Variants in NRXN3 observed in about 807,000 individuals in gnomAD.
NRXN3 encodes the protein neurexin III.
In NRXN3, 32 loss-of-function variants were observed where a neutral mutation model predicts 137.6. The ratio of observed to expected loss-of-function variants is 0.23; its 90% CI spans 0.18 to 0.31. The LOEUF is 0.31. Ranked by LOEUF, NRXN3 falls within the 10% of genes least tolerant of loss-of-function variation. The pLI is 1.00. For synonymous variants in NRXN3, 798 were observed against 784.5 expected, an observed-to-expected ratio of 1.02 and a Z score of -0.29; for missense variants, 1,574 against 2,062.5, an observed-to-expected ratio of 0.76 and a Z score of 4.59.
chr14:78,806,062 T>TTTC (rs1555504287), intron 9 of NRXN3, among the ~76,000 whole-genome samples: 8 of 138,008 alleles, frequency 5.8e-5, no homozygotes, highest in South Asian at 2.3e-4. Context: ...TTTTTTTTTT[T>TTTC]CCCCTTTGGC....
At chr14:78,539,098 G>A (rs986878704) in intron 4 of NRXN3, among the ~76,000 whole-genome samples, 2 of 152,178 alleles carry the variant, frequency 1.3e-5, no homozygotes, top group Non-Finnish European at 2.9e-5. Flanking sequence ...GTCTCTGCCA[G>A]GCTTTGGTAT....
At chr14:79,014,221 T>C (rs1196264286) in intron 15 of NRXN3, among the ~76,000 whole-genome samples, 1 of 152,198 alleles carries the variant, frequency 6.6e-6, no homozygotes. Flanking sequence ...ATAATAAACA[T>C]AGTACCCAAT....
At chr14:78,984,509 A>G (rs184534465) in intron 14 of NRXN3, among the ~76,000 whole-genome samples, 31 of 152,324 alleles carry the variant, frequency 2.0e-4, no homozygotes, top group Admixed American at 1.0e-3. Flanking sequence ...TCAAAGAATA[A>G]AAATGAAACA....
At chr14:79,293,999 G>C (rs1041889680) in intron 15 of NRXN3, among the ~76,000 whole-genome samples, 7 of 152,202 alleles carry the variant, frequency 4.6e-5, no homozygotes, top group Admixed American at 3.3e-4. Context: ...AATGAGAGGA[G>C]AGTTTTAAGG....
chr14:78,564,560 C>T (rs1335601847), intron 4 of NRXN3, among the ~76,000 whole-genome samples: 2 of 152,220 alleles, frequency 1.3e-5, no homozygotes, highest in South Asian at 2.1e-4. Flanking sequence ...TGGAACACCC[C>T]GGCCTCCTCT....
rs559943400 is a variant in NRXN3 at position 79,763,241 on chromosome 14, GT to G, written c.4015-41870del. On this transcript the variant is annotated intron_variant, in intron 19 of 20. Transcript: ENST00000335750. The stretch of plus-strand genomic sequence containing the variant: ...TTGCATAGTATTCCATGGTGTATAC[GT>G]GCCACATTTTCTTTATCCAGTCTAT... Among the ~76,000 whole-genome samples, 329 of 151,626 alleles carry G rather than the reference GT, an allele frequency of 2.2e-3. 10 individuals are homozygous for G. Among genetic ancestry groups the G allele is most frequent in the African/African-American group, 7.8e-3 (321 of 40,952 alleles).
intron 19 of NRXN3, among the ~76,000 whole-genome samples, chr14:79,772,489 T>A (rs1330084410): frequency 6.6e-6 from 1 of 152,168 alleles, no homozygotes; most frequent in African/African-American, 2.4e-5. Flanking sequence ...TACAACTACC[T>A]GATCTTTGAC....
chr14:78,575,335 G>A (rs1023870174), intron 4 of NRXN3, among the ~76,000 whole-genome samples: 1 of 152,190 alleles, frequency 6.6e-6, no homozygotes, highest in Admixed American at 6.5e-5. Flanking sequence ...GAGTGTAGTT[G>A]CAGGTTTTCA....
chr14:78,493,241 G>A (rs559160431), intron 4 of NRXN3, among the ~76,000 whole-genome samples: 1 of 151,234 alleles, frequency 6.6e-6, no homozygotes, highest in African/African-American at 2.4e-5. Flanking sequence ...GCCAGGAGGG[G>A]TCAGGCATTG....
At chr14:79,270,685 C>G (rs937155899) in intron 15 of NRXN3, among the ~76,000 whole-genome samples, 1 of 152,086 alleles carries the variant, frequency 6.6e-6, no homozygotes, top group Non-Finnish European at 1.5e-5. Flanking sequence ...CTTTAGGAAG[C>G]TAGGAAAGAA....
intron 4 of NRXN3, among the ~76,000 whole-genome samples, chr14:78,630,597 C>CTTTTTTTTTTTTTTTTTTTTTTTTTTTT (rs370862037): frequency 7.8e-6 from 1 of 127,840 alleles, no homozygotes; most frequent in Admixed American, 8.2e-5. Flanking sequence ...TTCTTTCTTT[C>CTTTTTTTTTTTTTTTTTTTTTTTTTTTT]TTTTTTTTTT....
intron 4 of NRXN3, among the ~76,000 whole-genome samples, chr14:78,478,444 A>G (rs866748028): frequency 1.3e-5 from 2 of 152,320 alleles, no homozygotes; most frequent in South Asian, 2.1e-4. Flanking sequence ...AGTCATTTTT[A>G]TTAATAATAT....
chr14:78,201,904 A>G (rs2061716793), intron 1 of NRXN3, among the ~76,000 whole-genome samples: 1 of 152,214 alleles, frequency 6.6e-6, no homozygotes, highest in East Asian at 1.9e-4. Flanking sequence ...AAGTGCGATG[A>G]GCCTGCACCA....
At chr14:78,785,855 C>A (rs2098787736) in intron 8 of NRXN3, among the ~76,000 whole-genome samples, 1 of 152,154 alleles carries the variant, frequency 6.6e-6, no homozygotes, top group Non-Finnish European at 1.5e-5. Context: ...GGATACCTCA[C>A]AGCCGTGGCT....
intron 15 of NRXN3, among the ~76,000 whole-genome samples, chr14:79,390,667 C>T (rs1036442104): frequency 6.6e-6 from 1 of 152,150 alleles, no homozygotes; most frequent in African/African-American, 2.4e-5. Context: ...TATTCTGAGA[C>T]AATGGCAGCT....
At chr14:79,007,814 A>T (rs2099556599) in intron 15 of NRXN3, among the ~76,000 whole-genome samples, 1 of 151,362 alleles carries the variant, frequency 6.6e-6, no homozygotes. Context: ...TCAAAAAAAA[A>T]AAAAAAAAAA....
chr14:78,721,580 T>C (rs780521004), intron 8 of NRXN3, among the ~76,000 whole-genome samples: 4 of 152,172 alleles, frequency 2.6e-5, no homozygotes, highest in East Asian at 1.9e-4. Context: ...TTTAGTTATA[T>C]CAGCACTGCA....
At chr14:78,522,903 T>A (rs10136682) in intron 4 of NRXN3, among the ~76,000 whole-genome samples, 68,073 of 151,986 alleles carry the variant, frequency 0.45, 15,484 homozygotes, top group East Asian at 0.51. Context: ...AATCAATATC[T>A]AACGGTATTC....
chr14:78,671,451 T>C (rs1189945639), intron 6 of NRXN3, among the ~76,000 whole-genome samples: 2 of 152,196 alleles, frequency 1.3e-5, no homozygotes, highest in African/African-American at 4.8e-5. Context: ...TAAGAAATGT[T>C]GCTATTGGGT....
Sources: gnomAD v4.1 joint callset for allele counts (sites outside exome capture counted in the v4.1 genomes callset) on GRCh38, gnomAD v4.1.1 for gene constraint, MANE v1.5 for transcripts, NCBI Gene and HGNC (gene_info 2026-07-23, HGNC 2026-07-21) for gene names.